Variants in CRACR2A observed in about 807,000 individuals in gnomAD.
The protein encoded by CRACR2A is calcium release activated channel regulator 2A, also known as EF-hand calcium-binding domain-containing protein 4B.
CRACR2A carries 79 observed loss-of-function variants against 90.5 expected under a neutral mutation model. That is an observed-to-expected ratio of 0.87 (90% confidence interval 0.73 to 1.05). CRACR2A has a LOEUF of 1.05. Ranked by LOEUF, CRACR2A falls within the 50% of genes least tolerant of loss-of-function variation. CRACR2A has a pLI of 0.00. For synonymous variants in CRACR2A, 338 were observed against 356.7 expected (o/e 0.95, Z 0.59); for missense variants, 823 against 897.2 (o/e 0.92, Z 1.06).
At chr12:3,721,363 G>C (rs555770153) in intron 2 of CRACR2A, among the ~76,000 whole-genome samples, 1 of 108,578 alleles carries the variant, frequency 9.2e-6, no homozygotes, top group African/African-American at 3.8e-5. Flanking sequence ...GCAAGACCCC[G>C]TCTCTACAAA....
chr12:3,743,283 C>T (rs1178178312), intron 1 of CRACR2A, among the ~76,000 whole-genome samples: 1 of 152,264 alleles, frequency 6.6e-6, no homozygotes, highest in Admixed American at 6.5e-5. Context: ...TCTGGTTCCA[C>T]TTCAAGCTGC....
chr12:3,648,582 G>T lies in CRACR2A; in HGVS notation c.1078C>A (p.Arg360Ser). The T allele has an allele frequency of 6.2e-7, 1 of 1,614,124 alleles. No individual in the cohort carries two copies. Among genetic ancestry groups the T allele is most frequent in the Non-Finnish European group, 8.5e-7 (1 of 1,180,000 alleles). The change falls in exon 11 of 20, where the codon CGT becomes AGT. Residue 360 changes from arginine (R) to serine (S), a missense_variant. Physicochemically the swap from Arg to Ser is moderately radical, Grantham distance 110. Coordinates refer to ENST00000440314, the MANE Select transcript of CRACR2A (RefSeq NM_001144958.2). ...TGCTTGAGGAGCCCGGCCTTCTCAC[G>T]CTGTAGACTCTCCGTCACACGGTAC... ...EVYRVTESLQ[R>S]EKAGLLKQLD...
At chr12:3,713,188 G>T in intron 3 of CRACR2A, 49 bp downstream of exon 3, 1 of 904,700 alleles carries the variant, frequency 1.1e-6, no homozygotes, top group Non-Finnish European at 1.3e-6. Context: ...TCTGGGGTGG[G>T]GGCAGATCTA....
intron 3 of CRACR2A, among the ~76,000 whole-genome samples, chr12:3,703,663 A>G (rs1945870006): frequency 6.6e-6 from 1 of 152,272 alleles, no homozygotes; most frequent in Non-Finnish European, 1.5e-5. Context: ...AAGTATTTAC[A>G]AAACACATAT....
intron 17 of CRACR2A, among the ~76,000 whole-genome samples, chr12:3,626,477 G>A (rs1192697693): frequency 6.6e-6 from 1 of 152,216 alleles, no homozygotes; most frequent in Non-Finnish European, 1.5e-5. Context: ...ATATGTGATG[G>A]GATATGCAAG....
chr12:3,687,069 C>G (rs1256378813), intron 4 of CRACR2A, among the ~76,000 whole-genome samples: 1 of 152,108 alleles, frequency 6.6e-6, no homozygotes, highest in Non-Finnish European at 1.5e-5. Context: ...GGGCTCCGAT[C>G]ACATGGCAGT....
chr12:3,616,817 A>G, intron 19 of CRACR2A, 137 bp downstream of exon 19: 1 of 654,382 alleles, frequency 1.5e-6, no homozygotes, highest in South Asian at 1.9e-5. Flanking sequence ...CCCGTTGCCT[A>G]TACTCAGAGG....
chr12:3,724,165 C>T (rs1026001526), intron 2 of CRACR2A, among the ~76,000 whole-genome samples: 1 of 152,174 alleles, frequency 6.6e-6, no homozygotes, highest in Non-Finnish European at 1.5e-5. Context: ...CTTTTCTCTA[C>T]CCTTAAGGCC....
At position 3,696,900 on chromosome 12, in the gene CRACR2A, C is replaced by G. The variant is rs1201155558; in HGVS notation, c.100G>C (p.Asp34His). ...KGSGACLHPL[D>H]SLEQKETQEQ... ...TGAGTCTCCTTCTGCTCCAGGCTGT[C>G]CAGGGGATGCAGGCAGGCTCCACTC... is the stretch of plus-strand genomic sequence containing the variant. The change falls in exon 4 of 20, where the codon GAC becomes CAC. Residue 34 changes from aspartate to histidine, a missense_variant. Transcript: ENST00000440314. The G allele has an allele frequency of 1.2e-6, 2 of 1,614,136 alleles. No individual in the cohort carries two copies. The highest frequency in any genetic ancestry group is 1.7e-6 in the Non-Finnish European group (2 of 1,180,056).
chr12:3,652,636 G>T (rs1332593694), intron 10 of CRACR2A, among the ~76,000 whole-genome samples: 1 of 152,184 alleles, frequency 6.6e-6, no homozygotes, highest in Non-Finnish European at 1.5e-5. Context: ...CAGTCAGACA[G>T]AGTGAGCACC....
At chr12:3,741,179 G>T (rs1946519819) in intron 1 of CRACR2A, among the ~76,000 whole-genome samples, 1 of 152,074 alleles carries the variant, frequency 6.6e-6, no homozygotes, top group African/African-American at 2.4e-5. Flanking sequence ...ATTTCAGGGG[G>T]GTCTCCATGC....
At chr12:3,650,582 C>G (rs1000553060) in intron 10 of CRACR2A, among the ~76,000 whole-genome samples, 1 of 152,172 alleles carries the variant, frequency 6.6e-6, no homozygotes, top group Admixed American at 6.5e-5. Flanking sequence ...TGCCCGCTCC[C>G]GACTCTGAGC....
chr12:3,720,464 A>AAAGAAAGAAAGAAAGCAAGCAAGC (rs1478961662), intron 2 of CRACR2A, among the ~76,000 whole-genome samples: 2 of 150,792 alleles, frequency 1.3e-5, no homozygotes, highest in African/African-American at 4.9e-5. Context: ...AGAAAGAAAG[A>AAAGAAAGAAAGAAAGCAAGCAAGC]AAGCAAAAGA....
At chr12:3,621,401 T>C (rs1217448023) in intron 17 of CRACR2A, among the ~76,000 whole-genome samples, 1 of 150,574 alleles carries the variant, frequency 6.6e-6, no homozygotes, top group African/African-American at 2.4e-5. Flanking sequence ...TTCTTCTTTT[T>C]TTTTTTTTTT....
intron 3 of CRACR2A, among the ~76,000 whole-genome samples, chr12:3,706,229 G>T (rs919685840): frequency 1.3e-5 from 2 of 152,198 alleles, no homozygotes; most frequent in Non-Finnish European, 2.9e-5. Context: ...GTGGGGGCAG[G>T]AGACAAGGCA....
Position 3,691,465 on chromosome 12 carries a change from T to A in CRACR2A, c.228+5307A>T, listed in dbSNP as rs111611906. Among the ~76,000 whole-genome samples, 184 of 152,366 alleles carry A rather than the reference T, an allele frequency of 1.2e-3. 1 individual carries two copies. Among genetic ancestry groups the A allele is most frequent in the African/African-American group, 4.4e-3 (182 of 41,586 alleles). Reference sequence around the variant, plus strand: ...TCTTTTATTTATGTATGTTGAATACTGGTCCCCAATCTCTTCTGGCTTGCA... The same window carrying A: ...TCTTTTATTTATGTATGTTGAATACAGGTCCCCAATCTCTTCTGGCTTGCA... On this transcript the variant is annotated intron_variant, in intron 4 of 19. Transcript: ENST00000440314.
In CRACR2A at chr12:3,718,326, G is replaced by A. The variant is rs1946109048; in HGVS notation, c.-117-5009C>T. On this transcript the variant is annotated intron_variant, in intron 2 of 19. Coordinates refer to ENST00000440314, the MANE Select transcript of CRACR2A (RefSeq NM_001144958.2). Reference sequence around the variant, plus strand: ...TGCATGAGCTCAGCATGCTCCAGTGGGTGGAACCGAGGGCCCTGGGTGAAG... The same window carrying A: ...TGCATGAGCTCAGCATGCTCCAGTGAGTGGAACCGAGGGCCCTGGGTGAAG... Among the ~76,000 whole-genome samples, 3 of 152,266 alleles carry A rather than the reference G, an allele frequency of 2.0e-5. No individual in the cohort carries two copies. The South Asian group carries it at 6.2e-4, about 32-fold the overall frequency.
At chr12:3,673,225 A>G (rs1255509900) in intron 7 of CRACR2A, among the ~76,000 whole-genome samples, 1 of 152,252 alleles carries the variant, frequency 6.6e-6, no homozygotes, top group African/African-American at 2.4e-5. Context: ...AAGCTAGTGT[A>G]TAAAAAGTAT....
At chr12:3,718,232 A>G (rs1164536682) in intron 2 of CRACR2A, among the ~76,000 whole-genome samples, 1 of 152,218 alleles carries the variant, frequency 6.6e-6, no homozygotes, top group African/African-American at 2.4e-5. Context: ...AAGATAGTAC[A>G]GTGTTGTTCC....
Sources: allele counts gnomAD v4.1 joint callset (sites outside exome capture counted in the v4.1 genomes callset), GRCh38; gene constraint gnomAD v4.1.1; transcripts MANE v1.5; gene names NCBI Gene and HGNC (gene_info 2026-07-23, HGNC 2026-07-21).